MRTFA: variants seen among roughly 807,000 people sequenced by gnomAD.
The protein encoded by MRTFA is myocardin-related transcription factor A.
MRTFA carries 20 observed loss-of-function variants against 83.5 expected under a neutral mutation model. The observed-to-expected ratio is 0.24, with a 90% CI of 0.17 to 0.35. The LOEUF (loss-of-function observed/expected upper bound fraction) is 0.35. Among genes scored for constraint, MRTFA ranks in the 10% least tolerant of loss-of-function variants. The pLI, the probability that MRTFA is intolerant of heterozygous loss-of-function variation, is 1.00. For synonymous variants in MRTFA, 659 were observed against 541.2 expected (o/e 1.22, Z -3.02); for missense variants, 1,200 against 1,224.7 (o/e 0.98, Z 0.30).
At chr22:40,498,273 ATTTTTTTT>A (rs1189933906) in intron 3 of MRTFA, among the ~76,000 whole-genome samples, 4 of 40,978 alleles carry the variant, frequency 9.8e-5, no homozygotes, top group African/African-American at 1.1e-4. Flanking sequence ...ATATATATAT[ATTTTTTTT>A]TTTTTTTTTT....
At chr22:40,426,141 C>G (rs1162698492) in intron 7 of MRTFA, among the ~76,000 whole-genome samples, 3 of 152,064 alleles carry the variant, frequency 2.0e-5, no homozygotes, top group Admixed American at 2.0e-4. Context: ...AGACCCCAAC[C>G]CCCATCAGCC....
intron 3 of MRTFA, among the ~76,000 whole-genome samples, chr22:40,527,556 G>A (rs1454369224): frequency 6.6e-6 from 1 of 152,114 alleles, no homozygotes; most frequent in Non-Finnish European, 1.5e-5. Context: ...AGGAGATCGA[G>A]ACTATCCTGG....
chr22:40,520,605 C>T (rs2054849170), intron 3 of MRTFA, among the ~76,000 whole-genome samples: 1 of 152,116 alleles, frequency 6.6e-6, no homozygotes, highest in Admixed American at 6.5e-5. Flanking sequence ...ATAGGTTTCG[C>T]CATGTTGCCC....
chr22:40,530,943 CTCAT>C (rs2055069269), intron 3 of MRTFA, among the ~76,000 whole-genome samples: 2 of 152,184 alleles, frequency 1.3e-5, no homozygotes, highest in Non-Finnish European at 2.9e-5. Context: ...TTTCATCACT[CTCAT>C]TCATTCAAAA....
At chr22:40,608,048 G>A (rs1218735428) in intron 1 of MRTFA, among the ~76,000 whole-genome samples, 1 of 152,102 alleles carries the variant, frequency 6.6e-6, no homozygotes, top group Non-Finnish European at 1.5e-5. Flanking sequence ...TCTTTGAGAC[G>A]GAATCTCACT....
At chr22:40,466,429 T>C (rs1602290580) in intron 3 of MRTFA, among the ~76,000 whole-genome samples, 1 of 152,298 alleles carries the variant, frequency 6.6e-6, no homozygotes, top group East Asian at 1.9e-4. Context: ...TCAAAGGTAC[T>C]GGAACTAGGA....
chr22:40,598,967 C>T (rs1332883529), intron 1 of MRTFA, among the ~76,000 whole-genome samples: 1 of 146,032 alleles, frequency 6.8e-6, no homozygotes, highest in South Asian at 2.2e-4. Flanking sequence ...CACTGCACTC[C>T]AGCCTGGGCA....
At chr22:40,479,566 G>C (rs2054054367) in intron 3 of MRTFA, among the ~76,000 whole-genome samples, 1 of 152,062 alleles carries the variant, frequency 6.6e-6, no homozygotes, top group Admixed American at 6.6e-5. Flanking sequence ...AAAAATTGAT[G>C]AATCAATTAT....
chr22:40,629,775 CAAAAAAAAAA>C (rs766356425), intron 1 of MRTFA, among the ~76,000 whole-genome samples: 4 of 40,342 alleles, frequency 9.9e-5, no homozygotes, highest in Non-Finnish European at 1.6e-4. Flanking sequence ...GATTCCATCT[CAAAAAAAAAA>C]AAAAAAAAAA....
chr22:40,418,306 A>G, intron 12 of MRTFA, 68 bp downstream of exon 12: 1 of 1,556,100 alleles, frequency 6.4e-7, no homozygotes, highest in Non-Finnish European at 8.6e-7. Context: ...CTGGCCCAAG[A>G]GGGCTGTAGC....
intron 3 of MRTFA, chr22:40,521,810 T>C (rs2054872474): frequency 6.6e-6 from 1 of 151,704 alleles, no homozygotes; most frequent in Admixed American, 6.6e-5. Flanking sequence ...AAATGAATTT[T>C]TGGGATGGTA....
chr22:40,415,745 A>C (rs1364526783), intron 14 of MRTFA, among the ~76,000 whole-genome samples: 4 of 151,870 alleles, frequency 2.6e-5, no homozygotes, highest in Admixed American at 2.0e-4. Context: ...GGAACCTCCC[A>C]GAGAGCTCTC....
In MRTFA at chr22:40,410,644, C is replaced by A. The variant is rs901264174; in HGVS notation, c.*746G>T. On this transcript the variant is annotated 3_prime_UTR_variant, in exon 15 of 15. Coordinates refer to ENST00000355630, the MANE Select transcript of MRTFA (RefSeq NM_020831.6). ...TGGCAGGGTACCTACATGTCAATCA[C>A]ACGTGATGGGTGGGCCTGGGTAGCT... The A allele has an allele frequency of 8.6e-6, 2 of 233,408 alleles. No individual in the cohort carries two copies. Among genetic ancestry groups the A allele is most frequent in the Non-Finnish European group, 1.7e-5 (2 of 117,954 alleles). The allele number at this position is 233,408 out of a possible 1,614,324, so 14.5% of individuals were successfully genotyped here. A position where few individuals can be genotyped will look rare whatever the true frequency, so the allele number is the denominator to read the frequency against.
In MRTFA at chr22:40,550,611, A is replaced by C. The variant is rs5995873; in HGVS notation, c.241+1495T>G. Reference sequence around the variant, plus strand: ...CAAGGAAAATGAATACTGAACAACAAATTACTGAAGAACACATAATTTTCT... The same window carrying C: ...CAAGGAAAATGAATACTGAACAACACATTACTGAAGAACACATAATTTTCT... On this transcript the variant is annotated intron_variant, in intron 3 of 14. Transcript: ENST00000355630. 7.5e-3 allele frequency among the ~76,000 whole-genome samples: 1,140 copies of C among 152,296 alleles called. 26 individuals are homozygous for C. Among genetic ancestry groups the C allele is most frequent in the Middle Eastern group, 0.075 (22 of 294 alleles).
At chr22:40,504,973 A>G (rs1309630077) in intron 3 of MRTFA, among the ~76,000 whole-genome samples, 1 of 152,198 alleles carries the variant, frequency 6.6e-6, no homozygotes, top group Non-Finnish European at 1.5e-5. Context: ...CATAATGACT[A>G]TATCTATCCC....
At chr22:40,502,117 G>A (rs1343212222) in intron 3 of MRTFA, among the ~76,000 whole-genome samples, 18 of 130,804 alleles carry the variant, frequency 1.4e-4, no homozygotes, top group African/African-American at 4.1e-4. Flanking sequence ...GGGCAGAGGC[G>A]CCCCTCACCT....
chr22:40,563,864 A>G (rs574812419), intron 2 of MRTFA, among the ~76,000 whole-genome samples: 34 of 152,370 alleles, frequency 2.2e-4, no homozygotes, highest in African/African-American at 7.5e-4. Flanking sequence ...GTTCAAGTAC[A>G]AGCAAATTAA....
intron 7 of MRTFA, among the ~76,000 whole-genome samples, 187 bp from the exon 8 acceptor site, chr22:40,424,568 T>A (rs1424443175): frequency 1.3e-5 from 2 of 152,244 alleles, no homozygotes; most frequent in African/African-American, 4.8e-5. Context: ...GTCATCATAA[T>A]GACCCTGCAA....
At chr22:40,419,519 G>T in intron 11 of MRTFA, 135 bp from the exon 12 acceptor site, 1 of 737,408 alleles carries the variant, frequency 1.4e-6, no homozygotes, top group Non-Finnish European at 2.2e-6. Flanking sequence ...AGCCTGGAGG[G>T]TGCAATGCCC....
Sources: allele counts gnomAD v4.1 joint callset (sites outside exome capture counted in the v4.1 genomes callset), GRCh38; gene constraint gnomAD v4.1.1; transcripts MANE v1.5; gene names NCBI Gene and HGNC (gene_info 2026-07-23, HGNC 2026-07-21).